CCDC85A: variants seen among roughly 807,000 people sequenced by gnomAD.
CCDC85A encodes coiled-coil domain-containing protein 85A.
In CCDC85A, 38 loss-of-function variants were observed where a neutral mutation model predicts 50.2. The observed-to-expected ratio is 0.76, with a 90% CI of 0.58 to 0.99. CCDC85A has a LOEUF of 0.99. CCDC85A is among the 50% of genes least tolerant of loss of function. CCDC85A has a pLI of 0.00. For synonymous variants in CCDC85A, 366 were observed against 301.4 expected, an observed-to-expected ratio of 1.21 and a Z score of -2.22; for missense variants, 820 against 742.0, an observed-to-expected ratio of 1.11 and a Z score of -1.22.
intron 3 of CCDC85A, among the ~76,000 whole-genome samples, chr2:56,356,463 C>A (rs1675229867): frequency 1.3e-5 from 2 of 152,180 alleles, no homozygotes; most frequent in African/African-American, 4.8e-5. Context: ...AGCTTAGGTT[C>A]TTTGCCAATT....
At chr2:56,281,604 T>C (rs574030117) in intron 2 of CCDC85A, among the ~76,000 whole-genome samples, 7 of 152,362 alleles carry the variant, frequency 4.6e-5, no homozygotes, top group African/African-American at 1.7e-4. Flanking sequence ...AAGGCTTTTT[T>C]ATTTTAGCCA....
intron 2 of CCDC85A, among the ~76,000 whole-genome samples, chr2:56,267,749 C>CA (rs1670516238): frequency 6.6e-6 from 1 of 152,152 alleles, no homozygotes; most frequent in Non-Finnish European, 1.5e-5. Flanking sequence ...CAGTGTAATT[C>CA]AAGGCTATTT....
At chr2:56,374,413 TTAA>T (rs1201683581) in intron 4 of CCDC85A, among the ~76,000 whole-genome samples, 1 of 152,182 alleles carries the variant, frequency 6.6e-6, no homozygotes, top group Admixed American at 6.5e-5. Context: ...TAACATTAAG[TTAA>T]TAATAATAAA....
At chr2:56,306,546 A>T (rs924801519) in intron 2 of CCDC85A, among the ~76,000 whole-genome samples, 14 of 152,178 alleles carry the variant, frequency 9.2e-5, no homozygotes, top group African/African-American at 3.4e-4. Flanking sequence ...ATGTCAGAAA[A>T]AAATGGGTTT....
At chr2:56,231,549 C>T (rs559430409) in intron 2 of CCDC85A, among the ~76,000 whole-genome samples, 1 of 152,216 alleles carries the variant, frequency 6.6e-6, no homozygotes, top group East Asian at 1.9e-4. Flanking sequence ...AGACTCATGA[C>T]TCTTGGCTTC....
chr2:56,380,023 C>G (rs1386293341), intron 5 of CCDC85A, among the ~76,000 whole-genome samples: 1 of 152,068 alleles, frequency 6.6e-6, no homozygotes, highest in Non-Finnish European at 1.5e-5. Flanking sequence ...TTTATTAATA[C>G]AATCATGTTA....
intron 3 of CCDC85A, among the ~76,000 whole-genome samples, chr2:56,353,046 C>T (rs1369777867): frequency 6.6e-6 from 1 of 152,116 alleles, no homozygotes; most frequent in African/African-American, 2.4e-5. Flanking sequence ...TCCTTAAAAC[C>T]ACAACTTTAC....
intron 5 of CCDC85A, among the ~76,000 whole-genome samples, chr2:56,378,472 G>C (rs1573375012): frequency 6.6e-6 from 1 of 152,148 alleles, no homozygotes; most frequent in Non-Finnish European, 1.5e-5. Context: ...CAAATTTGTA[G>C]GTAAATGAGC....
chr2:56,229,124 TG>T (rs2103931221), intron 2 of CCDC85A, among the ~76,000 whole-genome samples: 1 of 152,270 alleles, frequency 6.6e-6, no homozygotes, highest in Non-Finnish European at 1.5e-5. Flanking sequence ...TGCTGTGACA[TG>T]GGTACTTTTA....
At chr2:56,344,971 G>C (rs1674564071) in intron 3 of CCDC85A, among the ~76,000 whole-genome samples, 1 of 151,968 alleles carries the variant, frequency 6.6e-6, no homozygotes, top group African/African-American at 2.4e-5. Context: ...ATGATGACAA[G>C]GCTGATTCTT....
chr2:56,189,295 G>GTATTTTTTTTTTTTTTTTTTTTTTTT lies in CCDC85A; in HGVS notation c.277-3181_277-3180insATTTTTTTTTTTTTTTTTTTTTTTTT, dbSNP rs773078371. Among the ~76,000 whole-genome samples, 47 of 100,410 alleles carry GTATTTTTTTTTTTTTTTTTTTTTTTT rather than the reference G, an allele frequency of 4.7e-4. 2 individuals are homozygous for GTATTTTTTTTTTTTTTTTTTTTTTTT. The highest frequency in any genetic ancestry group is 1.7e-3 in the African/African-American group (39 of 22,386). 65.9% of individuals were successfully genotyped at this position (100,410 alleles called of 152,430 possible). The stretch of plus-strand genomic sequence containing the variant: ...GCAAAACATGCACGGGGTATTTTTG[G>GTATTTTTTTTTTTTTTTTTTTTTTTT]TGTTTTTTTTTTTTTTTGAGACAAG... On this transcript the variant is annotated intron_variant, in intron 1 of 5. Transcript: ENST00000407595.
chr2:56,321,479 G>A (rs187958840), intron 2 of CCDC85A, among the ~76,000 whole-genome samples: 2 of 152,200 alleles, frequency 1.3e-5, no homozygotes, highest in African/African-American at 4.8e-5. Flanking sequence ...AAAATCACAC[G>A]CATTCCTATG....
chr2:56,195,227 AAGTTTTTAG>A (rs1405435860), intron 2 of CCDC85A, among the ~76,000 whole-genome samples: 3 of 152,224 alleles, frequency 2.0e-5, no homozygotes, highest in Admixed American at 2.0e-4. Context: ...CTTCTAAGAA[AAGTTTTTAG>A]ATGCAGCTTT....
At chr2:56,315,315 A>C (rs887032679) in intron 2 of CCDC85A, among the ~76,000 whole-genome samples, 2 of 152,094 alleles carry the variant, frequency 1.3e-5, no homozygotes, top group African/African-American at 4.8e-5. Flanking sequence ...AGAACAGCTC[A>C]CTTTTTCTCC....
At chr2:56,280,184 T>G (rs114113710) in intron 2 of CCDC85A, among the ~76,000 whole-genome samples, 2 of 152,218 alleles carry the variant, frequency 1.3e-5, no homozygotes, top group Admixed American at 6.5e-5. Context: ...TGATGGTTCA[T>G]GCACTTGTGC....
chr2:56,220,612 A>T (rs1318891257), intron 2 of CCDC85A, among the ~76,000 whole-genome samples: 1 of 152,060 alleles, frequency 6.6e-6, no homozygotes, highest in Non-Finnish European at 1.5e-5. Flanking sequence ...AGCAGGTCAG[A>T]CATTTCTGAG....
At chr2:56,333,763 A>T (rs1287980714) in intron 2 of CCDC85A, among the ~76,000 whole-genome samples, 1 of 152,158 alleles carries the variant, frequency 6.6e-6, no homozygotes, top group Admixed American at 6.6e-5. Context: ...GAGAGAGAGG[A>T]ACCACGCATA....
chr2:56,329,108 C>G (rs1202486126), intron 2 of CCDC85A, among the ~76,000 whole-genome samples: 1 of 152,168 alleles, frequency 6.6e-6, no homozygotes, highest in African/African-American at 2.4e-5. Flanking sequence ...CTCCCTTCCC[C>G]CCTCATTTCC....
intron 2 of CCDC85A, among the ~76,000 whole-genome samples, chr2:56,234,660 T>G (rs1033735075): frequency 1.3e-5 from 2 of 152,144 alleles, no homozygotes; most frequent in Non-Finnish European, 2.9e-5. Flanking sequence ...CTTCTCTGGA[T>G]TTCATTTCCC....
Sources: allele counts gnomAD v4.1 joint callset (sites outside exome capture counted in the v4.1 genomes callset), GRCh38; gene constraint gnomAD v4.1.1; transcripts MANE v1.5; gene names NCBI Gene and HGNC (gene_info 2026-07-23, HGNC 2026-07-21).